The following SEPTIN2 variants were observed in gnomAD, a reference collection of about 807,000 sequenced individuals.
The protein encoded by SEPTIN2 is septin-2.
SEPTIN2 carries 34 observed loss-of-function variants against 46.5 expected under a neutral mutation model. That is an observed-to-expected ratio of 0.73 (90% CI 0.56 to 0.97). The LOEUF is 0.97. SEPTIN2 is among the 50% of genes least tolerant of loss of function. SEPTIN2 has a pLI of 0.00. For missense variants in SEPTIN2, 347 were observed against 448.4 expected, an observed-to-expected ratio of 0.77 and a Z score of 2.04; for synonymous variants, 175 against 153.4, an observed-to-expected ratio of 1.14 and a Z score of -1.04.
At chr2:241,344,678 G>C (rs1426638589) in intron 9 of SEPTIN2, among the ~76,000 whole-genome samples, 2 of 152,108 alleles carry the variant, frequency 1.3e-5, no homozygotes, top group Non-Finnish European at 2.9e-5. Flanking sequence ...ACTCCAGCCT[G>C]GGCGACAGAG....
intron 11 of SEPTIN2, among the ~76,000 whole-genome samples, chr2:241,349,528 A>G (rs1232550271): frequency 6.6e-6 from 1 of 152,002 alleles, no homozygotes; most frequent in Non-Finnish European, 1.5e-5. Flanking sequence ...TAGGTTAGAA[A>G]ACTTCTCATA....
intron 1 of SEPTIN2, among the ~76,000 whole-genome samples, chr2:241,323,598 T>C (rs2077471312): frequency 6.6e-6 from 1 of 152,172 alleles, no homozygotes; most frequent in Non-Finnish European, 1.5e-5. Context: ...GATAGATGCT[T>C]GTCTTATTCC....
At chr2:241,335,855 A>G (rs1334357998) in intron 4 of SEPTIN2, 120 bp from the exon 5 acceptor site, 2 of 1,249,502 alleles carry the variant, frequency 1.6e-6, no homozygotes, top group South Asian at 1.3e-5. Context: ...TCCCCATGGT[A>G]TCTTTGGAGA....
At chr2:241,316,496 C>T in intron 1 of SEPTIN2, 1 of 1,523,940 alleles carries the variant, frequency 6.6e-7, no homozygotes, top group Non-Finnish European at 8.8e-7. Flanking sequence ...GGGAGAGCGA[C>T]TAGGCCCTGT....
At chr2:241,329,288 C>T (rs1426607864) in intron 3 of SEPTIN2, among the ~76,000 whole-genome samples, 1 of 151,896 alleles carries the variant, frequency 6.6e-6, no homozygotes, top group Non-Finnish European at 1.5e-5. Context: ...CCACACCTGG[C>T]TAATTTTGTT....
At chr2:241,347,501 C>T (rs1575394070) in intron 10 of SEPTIN2, among the ~76,000 whole-genome samples, 1 of 152,124 alleles carries the variant, frequency 6.6e-6, no homozygotes, top group Non-Finnish European at 1.5e-5. Flanking sequence ...CTTTGCCCCT[C>T]GTTCACTCAC....
At chr2:241,349,396 G>A (rs1445003692) in intron 11 of SEPTIN2, among the ~76,000 whole-genome samples, 3 of 149,810 alleles carry the variant, frequency 2.0e-5, no homozygotes, top group Non-Finnish European at 4.4e-5. Flanking sequence ...ATATATATAT[G>A]TATATGTATG....
chr2:241,320,022 A>G (rs2076919633), intron 1 of SEPTIN2, among the ~76,000 whole-genome samples: 1 of 148,004 alleles, frequency 6.8e-6, no homozygotes, highest in Admixed American at 6.7e-5. Context: ...TGCTTTTGAT[A>G]CATTCCTGGA....
At chr2:241,341,987 A>G (rs926777646) in intron 7 of SEPTIN2, among the ~76,000 whole-genome samples, 7 of 152,042 alleles carry the variant, frequency 4.6e-5, no homozygotes, top group Non-Finnish European at 8.8e-5. Flanking sequence ...TTCTCCCCTC[A>G]AGCCCCATCC....
chr2:241,327,934 T>C (rs2149936244), intron 3 of SEPTIN2, among the ~76,000 whole-genome samples: 1 of 152,220 alleles, frequency 6.6e-6, no homozygotes, highest in Admixed American at 6.5e-5. Flanking sequence ...ATGCCGGTAG[T>C]CACAGCTACT....
chr2:241,345,603 A>T (rs1204194462), intron 9 of SEPTIN2, among the ~76,000 whole-genome samples: 1 of 152,258 alleles, frequency 6.6e-6, no homozygotes, highest in Non-Finnish European at 1.5e-5. Context: ...GCAATTAAAA[A>T]AAATTTTTTA....
Position 241,335,173 on chromosome 2 carries a change from A to T in SEPTIN2, c.178A>T (p.Thr60Ser). 6.2e-7 allele frequency: 1 copy of T among 1,613,924 alleles called. No individual in the cohort carries two copies. Among genetic ancestry groups the T allele is most frequent in the East Asian group, 2.2e-5 (1 of 44,866 alleles). The stretch of plus-strand genomic sequence containing the variant: ...GACTCTCATAAACAGCCTATTCCTA[A>T]CTGATCTGTACCCAGAAAGAGTCAT... Reference protein sequence around the residue: ...KSTLINSLFLTDLYPERVIPG... With the variant: ...KSTLINSLFLSDLYPERVIPG... The change falls in exon 4 of 13, where the codon ACT becomes TCT. Residue 60 changes from threonine to serine, a missense_variant. By Grantham distance (58) the Thr-to-Ser change is moderately conservative. Coordinates refer to ENST00000391971, the MANE Select transcript of SEPTIN2 (RefSeq NM_004404.5).
In SEPTIN2 at chr2:241,339,757, T is replaced by G. The variant is rs536790178; in HGVS notation, c.594+1967T>G. Among the ~76,000 whole-genome samples the G allele has an allele frequency of 2.6e-5, 4 of 152,298 alleles. No homozygotes were observed. In the East Asian group the frequency reaches 7.7e-4, roughly 29 times the overall value. On this transcript the variant is annotated intron_variant, in intron 7 of 12. Coordinates refer to ENST00000391971, the MANE Select transcript of SEPTIN2 (RefSeq NM_004404.5). ...GGAACAGTCTTCCCTCAGATACCTG[T>G]GTGGGGAACTCCCTCACTGAGCCCA... is the stretch of plus-strand genomic sequence containing the variant.
rs59492636 is a variant in SEPTIN2, at chr2:241,327,050, C to CAAA, written c.130+963_130+965dup. ...AGCCTGGGTGAATGAAACCTTGTCT[C>CAAA]AAAAAAAAAAAAAAAAAAAAAAAAA... On this transcript the variant is annotated intron_variant, in intron 3 of 12. Transcript: ENST00000391971. Among the ~76,000 whole-genome samples, 56 of 66,020 alleles carry CAAA rather than the reference C, an allele frequency of 8.5e-4. 1 individual carries two copies. The highest frequency in any genetic ancestry group is 1.8e-3 in the African/African-American group (25 of 13,884). 43.3% of individuals were successfully genotyped at this position (66,020 alleles called of 152,430 possible).
intron 3 of SEPTIN2, among the ~76,000 whole-genome samples, chr2:241,331,350 G>C (rs2078977083): frequency 6.6e-6 from 1 of 152,148 alleles, no homozygotes; most frequent in African/African-American, 2.4e-5. Flanking sequence ...AAGTTGTTAA[G>C]ATCTGCCCCA....
chr2:241,325,947 A>G (rs780880900), intron 2 of SEPTIN2, 46 bp from the exon 3 acceptor site: 22 of 1,547,162 alleles, frequency 1.4e-5, no homozygotes, highest in Non-Finnish European at 1.8e-5. Context: ...CTTAAAAGCA[A>G]CTACTAAGGT....
intron 3 of SEPTIN2, among the ~76,000 whole-genome samples, chr2:241,334,016 A>G (rs1396254790): frequency 1.3e-5 from 2 of 149,690 alleles, no homozygotes; most frequent in Non-Finnish European, 3.0e-5. Flanking sequence ...ACACCTGGCT[A>G]AGGTTTTGGG....
intron 4 of SEPTIN2, chr2:241,335,704 A>G (rs1020400231): frequency 5.5e-5 from 31 of 568,196 alleles, no homozygotes; most frequent in African/African-American, 4.9e-4. Flanking sequence ...CAGTTTTTAA[A>G]TGAATTCGTA....
Position 241,329,363 on chromosome 2 carries a change from C to G in SEPTIN2, c.130+3250C>G, listed in dbSNP as rs145725679. ...CATGATGGTCTCGATCTCCTGACTT[C>G]GTGATCCGCCCGCCTCGGCCTCTCA... is the stretch of plus-strand genomic sequence containing the variant. On this transcript the variant is annotated intron_variant, in intron 3 of 12. Coordinates refer to ENST00000391971, the MANE Select transcript of SEPTIN2 (RefSeq NM_004404.5). 2.0e-5 allele frequency among the ~76,000 whole-genome samples: 3 copies of G among 152,142 alleles called. No individual in the cohort carries two copies. The East Asian group carries it at 5.8e-4, about 30-fold the overall frequency.
Sources: allele counts gnomAD v4.1 joint callset (sites outside exome capture counted in the v4.1 genomes callset), GRCh38; gene constraint gnomAD v4.1.1; transcripts MANE v1.5; gene names NCBI Gene and HGNC (gene_info 2026-07-23, HGNC 2026-07-21).